The following SLF2 variants were observed in gnomAD, a reference collection of about 807,000 sequenced individuals.
The protein encoded by SLF2 is SMC5/6 complex localization factor 2, also known as SMC5-SMC6 complex localization factor protein 2.
Under a neutral mutation model 124.3 loss-of-function variants are expected in SLF2, and 68 were observed. The ratio of observed to expected loss-of-function variants is 0.55; its 90% CI spans 0.45 to 0.67. SLF2 has a LOEUF of 0.67. Ranked by LOEUF, SLF2 falls within the 30% of genes least tolerant of loss-of-function variation. The pLI is 0.00. For synonymous variants in SLF2, 480 were observed against 478.8 expected (o/e 1.00, Z -0.03); for missense variants, 1,246 against 1,373.7 (o/e 0.91, Z 1.47).
At chr10:100,913,316 G>A (rs1183981093) in intron 1 of SLF2, 66 bp downstream of exon 1, 2 of 1,385,708 alleles carry the variant, frequency 1.4e-6, no homozygotes, top group East Asian at 3.0e-5. Flanking sequence ...GAGGGCTGCA[G>A]ACCGCCGCTC....
At chr10:100,939,389 A>AT (rs1849924633) in intron 11 of SLF2, among the ~76,000 whole-genome samples, 1 of 149,024 alleles carries the variant, frequency 6.7e-6, no homozygotes. Flanking sequence ...AAAAAAAAAA[A>AT]GGTGGGGGCC....
At chr10:100,931,405 G>A (rs540179927) in intron 9 of SLF2, among the ~76,000 whole-genome samples, 17 of 151,420 alleles carry the variant, frequency 1.1e-4, no homozygotes, top group Admixed American at 8.6e-4. Context: ...TGTTTATGGT[G>A]GTACCTATAT....
intron 17 of SLF2, among the ~76,000 whole-genome samples, chr10:100,955,665 T>G (rs1157283964): frequency 2.0e-5 from 3 of 151,850 alleles, no homozygotes; most frequent in African/African-American, 4.8e-5. Context: ...CCCAGCACTT[T>G]GGGAGGCTGA....
intron 11 of SLF2, among the ~76,000 whole-genome samples, chr10:100,940,537 T>G (rs766147194): frequency 1.3e-5 from 2 of 152,108 alleles, no homozygotes; most frequent in Non-Finnish European, 2.9e-5. Context: ...TATTTTTTTA[T>G]TTTTTGTGGA....
intron 11 of SLF2, among the ~76,000 whole-genome samples, chr10:100,939,586 G>A (rs1849928380): frequency 6.6e-6 from 1 of 151,334 alleles, no homozygotes; most frequent in Non-Finnish European, 1.5e-5. Context: ...GCTGAGGCAG[G>A]AGAATCACTT....
At chr10:100,925,228 C>G (rs943014244) in intron 5 of SLF2, among the ~76,000 whole-genome samples, 1 of 152,052 alleles carries the variant, frequency 6.6e-6, no homozygotes, top group Admixed American at 6.6e-5. Flanking sequence ...TATATGTATA[C>G]CTTTAGATTA....
chr10:100,947,847 G>A lies in SLF2; in HGVS notation c.3120G>A (p.Gln1040=). 1 of 1,603,748 alleles carries A rather than the reference G, an allele frequency of 6.2e-7. No individual in the cohort carries two copies. The highest frequency in any genetic ancestry group is 8.5e-7 in the Non-Finnish European group (1 of 1,172,814). The change falls in exon 15 of 20, where the codon CAG becomes CAA. Residue 1040 remains glutamine, a splice_region_variant and synonymous_variant. Transcript: ENST00000238961. ...ATGTTCCTAATGCCAGTAATCTGCA[G>A]GTATAAATAAATACATTTTTATTTT... ...HEDVPNASNL[Q]VSVLHRYLVQ... is the part of the protein sequence containing the mutation.
Position 100,917,180 on chromosome 10 carries a change from TTC to T in SLF2, c.797_798del (p.Ser266PhefsTer12). 1 of 1,614,042 alleles carries T rather than the reference TTC, an allele frequency of 6.2e-7. No individual in the cohort carries two copies. Among genetic ancestry groups the T allele is most frequent in the South Asian group, 1.1e-5 (1 of 91,072 alleles). ...QMEQRINSENSFSEASSLSLK... is the reference protein window; with the variant it reads ...QMEQRINSENXFSEASSLSLK... The stretch of plus-strand genomic sequence containing the variant: ...TGGAGCAGAGAATCAACTCCGAGAA[TTC>T]TTTCTCAGAAGCAAGCAGTCTTTCC... On this transcript the variant is annotated frameshift_variant, in exon 3 of 20. Transcript: ENST00000238961. LOFTEE classifies it high-confidence loss of function.
rs896143164 is a variant in SLF2 at position 100,913,003 on chromosome 10, C to T, written c.-108C>T. ...ACCGCCATGAAGAGAGAAGGGGGTGCCGCCCACCTCTGCTCCGACAGCCTC... is the reference window on the plus strand; with the variant it reads ...ACCGCCATGAAGAGAGAAGGGGGTGTCGCCCACCTCTGCTCCGACAGCCTC... On this transcript the variant is annotated 5_prime_UTR_variant, in exon 1 of 20. Coordinates refer to ENST00000238961, the MANE Select transcript of SLF2 (RefSeq NM_018121.4). The T allele has an allele frequency of 1.7e-5, 21 of 1,239,260 alleles. No homozygotes were observed. Among genetic ancestry groups the T allele is most frequent in the Admixed American group, 1.1e-4 (5 of 44,940 alleles). 76.8% of individuals were successfully genotyped at this position (1,239,260 alleles called of 1,614,324 possible). A position where few individuals can be genotyped will look rare whatever the true frequency, so the allele number is the denominator to read the frequency against.
chr10:100,956,371 A>T (rs1304823989), intron 17 of SLF2, 80 bp from the exon 18 acceptor site: 2 of 966,934 alleles, frequency 2.1e-6, no homozygotes, highest in Non-Finnish European at 3.2e-6. Flanking sequence ...TAAATGATTT[A>T]GTTGTTCTAG....
intron 10 of SLF2, 77 bp from the exon 11 acceptor site, chr10:100,938,518 A>G: frequency 7.2e-7 from 1 of 1,386,094 alleles, no homozygotes; most frequent in Non-Finnish European, 9.8e-7. Context: ...TTCATGTTTC[A>G]CCTGCAGACT....
chr10:100,950,164 A>C lies in SLF2; in HGVS notation c.3209A>C (p.Asp1070Ala). 1 of 1,613,992 alleles carries C rather than the reference A, an allele frequency of 6.2e-7. No homozygotes were observed. The highest frequency in any genetic ancestry group is 8.5e-7 in the Non-Finnish European group (1 of 1,179,972). Residue 1070 changes from aspartate (D) to alanine (A), a missense_variant, in exon 16 of 20, where the codon GAT becomes GCT. Asp to Ala is a moderately radical substitution (Grantham distance 126, BLOSUM62 -2). Transcript: ENST00000238961. ...MVLKKKAEQPDGIIDDSLHLE... is the reference protein window; with the variant it reads ...MVLKKKAEQPAGIIDDSLHLE... ...TTGAAGAAAAAGGCTGAACAACCAG[A>C]TGGCATTATTGATGACAGTCTTCAT...
At chr10:100,922,826 C>T (rs1221865560) in intron 4 of SLF2, among the ~76,000 whole-genome samples, 2 of 149,678 alleles carry the variant, frequency 1.3e-5, no homozygotes, top group Non-Finnish European at 3.0e-5. Flanking sequence ...CCCAGACTGG[C>T]GTGCAGTGGT....
intron 4 of SLF2, among the ~76,000 whole-genome samples, chr10:100,920,209 A>C (rs1849498774): frequency 6.6e-6 from 1 of 152,220 alleles, no homozygotes; most frequent in Non-Finnish European, 1.5e-5. Context: ...ATCACCTTGC[A>C]CCAAAGTTAA....
intron 5 of SLF2, 73 bp from the exon 6 acceptor site, chr10:100,925,876 C>G: frequency 7.1e-7 from 1 of 1,400,630 alleles, no homozygotes; most frequent in Non-Finnish European, 9.7e-7. Flanking sequence ...CTTTCGTACC[C>G]TTAATTACTT....
intron 9 of SLF2, among the ~76,000 whole-genome samples, chr10:100,932,702 T>A (rs1849763267): frequency 1.4e-5 from 1 of 73,852 alleles, no homozygotes; most frequent in East Asian, 3.0e-4. Context: ...AGTGTGTGTG[T>A]GTGTGTGTGT....
Position 100,947,043 on chromosome 10 carries a change from C to T in SLF2, c.2939C>T (p.Pro980Leu), listed in dbSNP as rs1850118055. ...TTACATGTTCTTTTTTTTCAGGTGC[C>T]TGAACTCTGTCTGGGCATAAATGAA... Reference protein sequence around the residue: ...KNIRDWNTKVPELCLGINELS... With the variant: ...KNIRDWNTKVLELCLGINELS... The change falls in exon 14 of 20, where the codon CCT becomes CTT. Residue 980 changes from proline to leucine, a missense_variant. Transcript: ENST00000238961. 1.2e-6 allele frequency: 2 copies of T among 1,612,508 alleles called. No individual in the cohort carries two copies. The highest frequency in any genetic ancestry group is 1.7e-6 in the Non-Finnish European group (2 of 1,179,068).
At chr10:100,955,636 G>A (rs189826228) in intron 17 of SLF2, among the ~76,000 whole-genome samples, 67 of 152,160 alleles carry the variant, frequency 4.4e-4, no homozygotes, top group Middle Eastern at 3.4e-3. Flanking sequence ...GGCTGGGCGC[G>A]GTGGCTCACA....
Position 100,924,004 on chromosome 10 carries a change from A to G in SLF2, c.1003A>G (p.Lys335Glu). ...AGSKQNKFPE[K>E]RKRNSVDSDL... The stretch of plus-strand genomic sequence containing the variant: ...CTCTAAGCAGAATAAATTCCCTGAA[A>G]AAAGAAAAAGGAACTCTGTGGACTC... The change falls in exon 5 of 20, where the codon AAA becomes GAA. Residue 335 changes from lysine (K) to glutamate (E), a missense_variant. Coordinates refer to ENST00000238961, the MANE Select transcript of SLF2 (RefSeq NM_018121.4). 6.4e-7 allele frequency: 1 copy of G among 1,557,174 alleles called. No individual in the cohort carries two copies. Among genetic ancestry groups the G allele is most frequent in the Non-Finnish European group, 8.6e-7 (1 of 1,159,124 alleles).
Sources: allele counts gnomAD v4.1 joint callset (sites outside exome capture counted in the v4.1 genomes callset), GRCh38; gene constraint gnomAD v4.1.1; transcripts MANE v1.5; gene names NCBI Gene and HGNC (gene_info 2026-07-23, HGNC 2026-07-21).